MPPE1: variants seen among roughly 807,000 people sequenced by gnomAD.
The protein encoded by MPPE1 is metallophosphoesterase 1.
MPPE1 carries 28 observed loss-of-function variants against 43.8 expected under a neutral mutation model. The observed-to-expected ratio is 0.64, with a 90% CI of 0.47 to 0.88. The LOEUF (loss-of-function observed/expected upper bound fraction) is 0.88, where lower values mean the gene tolerates loss of function less well. MPPE1 is among the 40% of genes least tolerant of loss of function. MPPE1 has a pLI of 0.00. For synonymous variants in MPPE1, 159 were observed against 188.5 expected (o/e 0.84, Z 1.28); for missense variants, 428 against 492.2 (o/e 0.87, Z 1.23).
intron 1 of MPPE1, among the ~76,000 whole-genome samples, chr18:11,906,814 A>G (rs986614330): frequency 1.0e-4 from 15 of 148,026 alleles, no homozygotes; most frequent in African/African-American, 3.8e-4. Context: ...AGATCGCGCC[A>G]TTGCACTCCA....
intron 2 of MPPE1, among the ~76,000 whole-genome samples, chr18:11,901,617 G>A (rs2039214871): frequency 6.6e-6 from 1 of 151,936 alleles, no homozygotes; most frequent in Non-Finnish European, 1.5e-5. Context: ...AAGGCAGGTG[G>A]ATCACCTGAG....
Position 11,884,372 on chromosome 18 carries a change from C to A in MPPE1, c.*73G>T. 6.9e-7 allele frequency: 1 copy of A among 1,454,740 alleles called. No individual in the cohort carries two copies. The highest frequency in any genetic ancestry group is 9.5e-7 in the Non-Finnish European group (1 of 1,052,626). The allele number at this position is 1,454,740 out of a possible 1,614,324, so 90.1% of individuals were successfully genotyped here. A position where few individuals can be genotyped will look rare whatever the true frequency, so the allele number is the denominator to read the frequency against. On this transcript the variant is annotated 3_prime_UTR_variant, in exon 11 of 11. Coordinates refer to ENST00000588072, the MANE Select transcript of MPPE1 (RefSeq NM_023075.6). ...ACGGCCTGTAATTGGTCTCATCATC[C>A]ACTTGATTCTAACATGATCTCTGCC...
At position 11,893,555 on chromosome 18, in the gene MPPE1, C is replaced by G. The variant is rs34932177; in HGVS notation, c.303G>C (p.Ala101=). The G allele has an allele frequency of 0.022, 36,011 of 1,613,648 alleles. 1,055 individuals carry two copies. The highest frequency in any genetic ancestry group is 0.14 in the African/African-American group (10,219 of 74,940). The change falls in exon 4 of 11, where the codon GCG becomes GCC. Residue 101 remains alanine, a synonymous_variant. Transcript: ENST00000588072. ...GCAGCAACCACAGAGCTGTCTGGAA[C>G]GCTCTCTCCATCTGCCATTCCCTTG... ...KLRREWQMER[A]FQTALWLLQP... is the part of the protein sequence containing the mutation.
chr18:11,883,009 A>G lies in MPPE1; in HGVS notation c.*1436T>C, dbSNP rs1027663853. ...GATGTCCAAAGTTAAATTTTCAACA[A>G]TACAAATCTAGAGAAGTGACAGCCT... On this transcript the variant is annotated 3_prime_UTR_variant, in exon 11 of 11. Transcript: ENST00000588072. 1.3e-5 allele frequency: 2 copies of G among 151,978 alleles called. No homozygotes were observed. The highest frequency in any genetic ancestry group is 4.8e-5 in the African/African-American group (2 of 41,368). The allele number at this position is 151,978 out of a possible 1,614,324, so 9.4% of individuals were successfully genotyped here. A position where few individuals can be genotyped will look rare whatever the true frequency, so the allele number is the denominator to read the frequency against.
At chr18:11,903,412 T>TTAAGAA (rs1195592063) in intron 2 of MPPE1, among the ~76,000 whole-genome samples, 1 of 152,108 alleles carries the variant, frequency 6.6e-6, no homozygotes, top group African/African-American at 2.4e-5. Context: ...AGAAGGGCAC[T>TTAAGAA]GTGCATGCAG....
intron 1 of MPPE1, among the ~76,000 whole-genome samples, chr18:11,907,526 GT>G (rs11322376): frequency 0.49 from 74,491 of 151,972 alleles, 19,289 homozygotes; most frequent in African/African-American, 0.67. Flanking sequence ...ATTTTATAGA[GT>G]TTTGACTTTT....
Position 11,897,278 on chromosome 18 carries a change from A to T in MPPE1, c.-14T>A. The T allele has an allele frequency of 1.0e-6, 1 of 999,374 alleles. No homozygotes were observed. 61.9% of individuals were successfully genotyped at this position (999,374 alleles called of 1,614,324 possible). ...GATCATCGCCATTTCTCAAGCAACA[A>T]CAAATCCATCAAGGGTTCACCACGA... On this transcript the variant is annotated 5_prime_UTR_variant, in exon 3 of 11. It adds an upstream start codon to the 5' untranslated region. Coordinates refer to ENST00000588072, the MANE Select transcript of MPPE1 (RefSeq NM_023075.6).
chr18:11,894,431 C>CAAAAAAAAAAAAAA (rs66687820), intron 3 of MPPE1, among the ~76,000 whole-genome samples: 1 of 65,164 alleles, frequency 1.5e-5, no homozygotes, highest in African/African-American at 5.2e-5. Flanking sequence ...GACTCCATCT[C>CAAAAAAAAAAAAAA]AAAAAAAAAA....
chr18:11,901,682 T>C (rs1296784683), intron 2 of MPPE1, among the ~76,000 whole-genome samples: 1 of 151,826 alleles, frequency 6.6e-6, no homozygotes, highest in South Asian at 2.1e-4. Context: ...CTCCACTAAA[T>C]ACAAAAATTA....
In MPPE1 at chr18:11,885,773, G is replaced by A. The variant is rs73945269; in HGVS notation, c.911C>T (p.Thr304Met). 4.4e-4 allele frequency: 710 copies of A among 1,613,206 alleles called. No homozygotes were observed. The African/African-American group carries it at 8.4e-3, about 19-fold the overall frequency. Residue 304 changes from threonine to methionine, a missense_variant, in exon 10 of 11, where the codon ACG becomes ATG. Transcript: ENST00000588072. ...GTGGTGCACCTCGCAGGCGCTGTGCGTGTGGCCACTGAGAACCAGGCGCGG... is the reference window on the plus strand; with the variant it reads ...GTGGTGCACCTCGCAGGCGCTGTGCATGTGGCCACTGAGAACCAGGCGCGG... ...LQPRLVLSGH[T>M]HSACEVHHGG...
At chr18:11,900,740 T>C (rs2039082169) in intron 2 of MPPE1, among the ~76,000 whole-genome samples, 2 of 151,594 alleles carry the variant, frequency 1.3e-5, no homozygotes, top group South Asian at 2.1e-4. Context: ...ACCCCATCTC[T>C]ACTAAAAATA....
intron 2 of MPPE1, chr18:11,902,126 A>T (rs1442493192): frequency 6.6e-6 from 1 of 152,152 alleles, no homozygotes; most frequent in East Asian, 1.9e-4. Flanking sequence ...TGAGTGAAAA[A>T]TATCACTAAT....
chr18:11,885,512 A>C (rs1248835668), intron 10 of MPPE1, 164 bp downstream of exon 10: 2 of 782,700 alleles, frequency 2.6e-6, no homozygotes, highest in East Asian at 5.5e-5. Context: ...TGGTTCCCGG[A>C]AGGGTGTTTG....
chr18:11,894,460 C>T (rs1288742178), intron 3 of MPPE1, among the ~76,000 whole-genome samples: 1 of 149,774 alleles, frequency 6.7e-6, no homozygotes, highest in Non-Finnish European at 1.5e-5. Context: ...AAAAAACAGC[C>T]TGGGATCTGC....
intron 1 of MPPE1, among the ~76,000 whole-genome samples, chr18:11,906,646 G>A (rs935300094): frequency 1.2e-4 from 18 of 151,946 alleles, no homozygotes; most frequent in East Asian, 3.9e-4. Flanking sequence ...ACCTGAGGTC[G>A]GGAGTTCAAG....
chr18:11,896,014 C>T (rs1297539830), intron 3 of MPPE1, among the ~76,000 whole-genome samples: 1 of 151,972 alleles, frequency 6.6e-6, no homozygotes, highest in Non-Finnish European at 1.5e-5. Context: ...CCCCACCGGC[C>T]CTTCTTGAGC....
chr18:11,887,971 A>C (rs916831697), intron 6 of MPPE1, among the ~76,000 whole-genome samples: 5 of 152,232 alleles, frequency 3.3e-5, no homozygotes, highest in African/African-American at 1.2e-4. Context: ...TCCAAGGTCA[A>C]CAGAGTGCTG....
chr18:11,887,434 C>G, intron 6 of MPPE1, among the ~76,000 whole-genome samples: 1 of 152,150 alleles, frequency 6.6e-6, no homozygotes, highest in East Asian at 1.9e-4. Context: ...TAGAACACAG[C>G]CTGCCACTAG....
rs144499494 is a variant in MPPE1, at chr18:11,893,876, A to T, written c.282-300T>A. On this transcript the variant is annotated intron_variant, in intron 3 of 10. Coordinates refer to ENST00000588072, the MANE Select transcript of MPPE1 (RefSeq NM_023075.6). ...TCACTCGGTCAAGACAGCAACTGGG[A>T]TCTGAGAGAGCCTAATGCAGCTTCC... 2.4e-3 allele frequency among the ~76,000 whole-genome samples: 361 copies of T among 152,284 alleles called. 1 individual carries two copies. Among genetic ancestry groups the T allele is most frequent in the Non-Finnish European group, 3.5e-3 (237 of 68,038 alleles).
Sources: gnomAD v4.1 joint callset for allele counts (sites outside exome capture counted in the v4.1 genomes callset) on GRCh38, gnomAD v4.1.1 for gene constraint, MANE v1.5 for transcripts, NCBI Gene and HGNC (gene_info 2026-07-23, HGNC 2026-07-21) for gene names.